Variants in EYS observed in about 807,000 individuals in gnomAD.
EYS encodes protein eyes shut homolog.
Under a neutral mutation model 282.1 loss-of-function variants are expected in EYS, and 250 were observed. The ratio of observed to expected loss-of-function variants is 0.89; its 90% CI spans 0.80 to 0.98. EYS has a LOEUF of 0.98. Among genes scored for constraint, EYS ranks in the 50% least tolerant of loss-of-function variants. EYS has a pLI of 0.00. For synonymous variants in EYS, 1,355 were observed against 1,282.9 expected (o/e 1.06, Z -1.20); for missense variants, 4,016 against 3,709.0 (o/e 1.08, Z -2.15).
chr6:65,645,217 C>A (rs990194158), intron 1 of EYS, among the ~76,000 whole-genome samples: 3 of 152,134 alleles, frequency 2.0e-5, no homozygotes. Flanking sequence ...TTCTACCCAA[C>A]AACTGCAGGA....
chr6:64,645,086 C>T (rs979979426), intron 22 of EYS, among the ~76,000 whole-genome samples: 1 of 152,154 alleles, frequency 6.6e-6, no homozygotes, highest in Non-Finnish European at 1.5e-5. Flanking sequence ...TAAGAAGTAG[C>T]TAAATTTCTT....
intron 5 of EYS, among the ~76,000 whole-genome samples, chr6:65,483,268 CTCT>C (rs1191470672): frequency 6.6e-6 from 1 of 151,964 alleles, no homozygotes; most frequent in African/African-American, 2.4e-5. Context: ...TTTCTAAGGG[CTCT>C]TAAGTTTTGA....
At chr6:64,174,283 G>C (rs1582382339) in intron 31 of EYS, among the ~76,000 whole-genome samples, 1 of 151,892 alleles carries the variant, frequency 6.6e-6, no homozygotes, top group East Asian at 1.9e-4. Context: ...GTATATTTTT[G>C]CTTAATTTCT....
intron 30 of EYS, among the ~76,000 whole-genome samples, chr6:64,295,122 C>T (rs1003272159): frequency 2.0e-5 from 3 of 151,298 alleles, no homozygotes; most frequent in African/African-American, 7.3e-5. Flanking sequence ...CGCCTGTAAC[C>T]CCAGCACTTT....
chr6:65,363,374 A>AT (rs1764787732), intron 8 of EYS, among the ~76,000 whole-genome samples: 1 of 151,986 alleles, frequency 6.6e-6, no homozygotes, highest in Admixed American at 6.6e-5. Flanking sequence ...ACAATCAATT[A>AT]AGCAATTAAA....
At chr6:64,170,012 T>C (rs1764429631) in intron 31 of EYS, among the ~76,000 whole-genome samples, 1 of 152,108 alleles carries the variant, frequency 6.6e-6, no homozygotes, top group South Asian at 2.1e-4. Context: ...ATACACCTTA[T>C]ATTTGGGTTG....
chr6:65,124,580 T>C (rs2150198260), intron 12 of EYS, among the ~76,000 whole-genome samples: 1 of 152,328 alleles, frequency 6.6e-6, no homozygotes, highest in South Asian at 2.1e-4. Context: ...TTCTCCTGAC[T>C]ACATCAATCT....
intron 11 of EYS, among the ~76,000 whole-genome samples, chr6:65,313,885 C>T (rs1313105425): frequency 6.6e-6 from 1 of 152,148 alleles, no homozygotes; most frequent in African/African-American, 2.4e-5. Flanking sequence ...GAGCTTCCCA[C>T]ATTAATAGGA....
chr6:64,943,886 T>C (rs79515834), intron 15 of EYS, among the ~76,000 whole-genome samples: 1,681 of 152,086 alleles, frequency 0.011, 44 homozygotes, highest in African/African-American at 0.039. Flanking sequence ...AGAGATTGAA[T>C]AACTAAAGCA....
chr6:63,840,795 G>A (rs1448661712), intron 36 of EYS, among the ~76,000 whole-genome samples: 1 of 152,096 alleles, frequency 6.6e-6, no homozygotes, highest in African/African-American at 2.4e-5. Flanking sequence ...TGAAGACACT[G>A]TCTTTTCCCT....
chr6:65,260,135 C>T (rs932157758), intron 12 of EYS, among the ~76,000 whole-genome samples: 3 of 151,930 alleles, frequency 2.0e-5, no homozygotes, highest in Non-Finnish European at 4.4e-5. Context: ...TCAAGGCAGC[C>T]AAAAGGAGAC....
At chr6:64,789,688 C>A (rs1774127180) in intron 22 of EYS, among the ~76,000 whole-genome samples, 1 of 152,052 alleles carries the variant, frequency 6.6e-6, no homozygotes, top group Admixed American at 6.6e-5. Context: ...TACACCACTT[C>A]CTGTGCTCTA....
At chr6:64,162,623 C>G (rs1007136090) in intron 31 of EYS, among the ~76,000 whole-genome samples, 2 of 152,080 alleles carry the variant, frequency 1.3e-5, no homozygotes, top group African/African-American at 4.8e-5. Flanking sequence ...CCTTCTCAAC[C>G]CAATCAGAGG....
chr6:65,236,142 A>G (rs1440171652), intron 12 of EYS, among the ~76,000 whole-genome samples: 1 of 152,076 alleles, frequency 6.6e-6, no homozygotes, highest in African/African-American at 2.4e-5. Flanking sequence ...CATATGATTA[A>G]TTACTCTTTA....
chr6:65,454,958 T>C (rs1274143454), intron 5 of EYS, among the ~76,000 whole-genome samples: 3 of 152,254 alleles, frequency 2.0e-5, no homozygotes, highest in Admixed American at 6.5e-5. Context: ...AGCTTTGTGA[T>C]ATTTGCTTAG....
At chr6:64,480,551 A>T (rs1403581757) in intron 26 of EYS, among the ~76,000 whole-genome samples, 1 of 151,842 alleles carries the variant, frequency 6.6e-6, no homozygotes, top group Non-Finnish European at 1.5e-5. Context: ...TTTGCAGCCT[A>T]AGGGGTGACA....
At chr6:65,253,683 A>C (rs1767384457) in intron 12 of EYS, among the ~76,000 whole-genome samples, 1 of 151,906 alleles carries the variant, frequency 6.6e-6, no homozygotes, top group Non-Finnish European at 1.5e-5. Flanking sequence ...AGGTCTTCAA[A>C]ATAGAAGTCA....
At chr6:64,926,335 G>T (rs1010797210) in intron 15 of EYS, among the ~76,000 whole-genome samples, 1 of 152,210 alleles carries the variant, frequency 6.6e-6, no homozygotes, top group African/African-American at 2.4e-5. Flanking sequence ...ACTTGTGCTG[G>T]CTGGCAGGTT....
rs1767102317 is a variant in EYS at position 64,886,790 on chromosome 6, C to T, written c.2899G>A (p.Val967Ile). The change falls in exon 19 of 43, where the codon GTA becomes ATA. Residue 967 changes from valine to isoleucine, a missense_variant. Val to Ile is a conservative substitution (Grantham distance 29). Transcript: ENST00000503581. ...CAAGGTGAGATTTTACATTTATTTA[C>T]ATCAAGTTCACAGAAGGGCCCATGG... ...EYHGPFCELD[V>I]NKCKISPCLD... 6 of 1,546,662 alleles carry T rather than the reference C, an allele frequency of 3.9e-6. No individual in the cohort carries two copies. Among genetic ancestry groups the T allele is most frequent in the Non-Finnish European group, 8.7e-7 (1 of 1,144,106 alleles).
Sources: gnomAD v4.1 joint callset for allele counts (sites outside exome capture counted in the v4.1 genomes callset) on GRCh38, gnomAD v4.1.1 for gene constraint, MANE v1.5 for transcripts, NCBI Gene and HGNC (gene_info 2026-07-23, HGNC 2026-07-21) for gene names.